The following RALGAPA2 variants were observed in gnomAD, a reference collection of about 807,000 sequenced individuals.
RALGAPA2 encodes the protein ral GTPase-activating protein subunit alpha-2.
Under a neutral mutation model 230.4 loss-of-function variants are expected in RALGAPA2, and 139 were observed. That is an observed-to-expected ratio of 0.60 (90% CI 0.53 to 0.69). RALGAPA2 has a LOEUF of 0.69. Among genes scored for constraint, RALGAPA2 ranks in the 30% least tolerant of loss-of-function variants. The pLI is 0.00. For missense variants in RALGAPA2, 2,163 were observed against 2,276.0 expected, an observed-to-expected ratio of 0.95 and a Z score of 1.01; for synonymous variants, 847 against 837.8, an observed-to-expected ratio of 1.01 and a Z score of -0.19.
chr20:20,407,347 G>A (rs556847143), intron 38 of RALGAPA2, among the ~76,000 whole-genome samples: 21 of 152,344 alleles, frequency 1.4e-4, no homozygotes, highest in African/African-American at 5.1e-4. Context: ...TCCTTTCAAT[G>A]AGCGGGGAAA....
chr20:20,446,573 T>C (rs57335030), intron 37 of RALGAPA2, among the ~76,000 whole-genome samples: 11,628 of 152,190 alleles, frequency 0.076, 727 homozygotes, highest in East Asian at 0.16. Context: ...CTTTGCAGGA[T>C]TGCTGTGGAA....
intron 23 of RALGAPA2, among the ~76,000 whole-genome samples, chr20:20,557,447 G>T (rs932578055): frequency 6.6e-6 from 1 of 152,152 alleles, no homozygotes; most frequent in African/African-American, 2.4e-5. Context: ...ACTTTTCCCA[G>T]GTTTATTATT....
rs1351796525 is a variant in RALGAPA2 at position 20,505,531 on chromosome 20, A to G, written c.4932T>C (p.Arg1644=). 1 of 1,571,502 alleles carries G rather than the reference A, an allele frequency of 6.4e-7. No individual in the cohort carries two copies. The highest frequency in any genetic ancestry group is 2.3e-5 in the East Asian group (1 of 43,812). The change falls in exon 34 of 40, where the codon CGT becomes CGC. Residue 1644 remains arginine, a synonymous_variant. Coordinates refer to ENST00000202677, the MANE Select transcript of RALGAPA2 (RefSeq NM_020343.4). ...ELKNLDSRQC[R]ETHKIAVFYI... ...AAAACACTGCGATTTTGTGTGTCTC[A>G]CGGCTATAAATTTTTAAATTTAAAG...
At chr20:20,403,199 C>T (rs1344495329) in intron 38 of RALGAPA2, among the ~76,000 whole-genome samples, 1 of 152,228 alleles carries the variant, frequency 6.6e-6, no homozygotes, top group East Asian at 1.9e-4. Flanking sequence ...CGTCTCCTTT[C>T]CCGTCTGGAA....
intron 16 of RALGAPA2, chr20:20,598,891 T>C: frequency 2.6e-6 from 1 of 381,764 alleles, no homozygotes; most frequent in South Asian, 2.0e-5. Flanking sequence ...TTATTACTTT[T>C]CTGGGCTCTC....
chr20:20,493,152 G>C (rs1285084847), intron 36 of RALGAPA2, among the ~76,000 whole-genome samples: 2 of 152,090 alleles, frequency 1.3e-5, no homozygotes, highest in Non-Finnish European at 2.9e-5. Flanking sequence ...TAAATACCAG[G>C]GACTGAAGCC....
chr20:20,617,371 C>G (rs183711284), intron 12 of RALGAPA2, among the ~76,000 whole-genome samples: 1 of 152,012 alleles, frequency 6.6e-6, no homozygotes, highest in Admixed American at 6.5e-5. Flanking sequence ...TAAATAAGCA[C>G]TATAATATAG....
intron 3 of RALGAPA2, among the ~76,000 whole-genome samples, chr20:20,655,850 G>A (rs1283251753): frequency 6.6e-6 from 1 of 152,146 alleles, no homozygotes; most frequent in Non-Finnish European, 1.5e-5. Context: ...TGGGTAGAGG[G>A]GCTGTAGTAA....
intron 38 of RALGAPA2, among the ~76,000 whole-genome samples, chr20:20,402,197 T>C (rs978781937): frequency 6.6e-6 from 1 of 152,232 alleles, no homozygotes; most frequent in South Asian, 2.1e-4. Flanking sequence ...ATTCCTCAAC[T>C]GTCAGAGAAA....
At chr20:20,617,642 G>C (rs2066189513) in intron 12 of RALGAPA2, among the ~76,000 whole-genome samples, 1 of 152,142 alleles carries the variant, frequency 6.6e-6, no homozygotes. Context: ...GGTACTGCAT[G>C]AGTATTTCTT....
At chr20:20,440,748 A>C (rs2060720688) in intron 37 of RALGAPA2, among the ~76,000 whole-genome samples, 1 of 152,248 alleles carries the variant, frequency 6.6e-6, no homozygotes, top group South Asian at 2.1e-4. Context: ...CTTCCTTGGC[A>C]GCTGACGGGC....
chr20:20,468,217 A>G (rs1281466333), intron 37 of RALGAPA2, among the ~76,000 whole-genome samples: 2 of 152,218 alleles, frequency 1.3e-5, no homozygotes, highest in African/African-American at 4.8e-5. Context: ...TATCAAACAC[A>G]TGTCACCTTT....
intron 23 of RALGAPA2, among the ~76,000 whole-genome samples, chr20:20,557,593 T>G (rs2064123340): frequency 6.6e-6 from 1 of 152,258 alleles, no homozygotes; most frequent in African/African-American, 2.4e-5. Flanking sequence ...AGTAAAGATT[T>G]AATCGACACT....
rs776470274 is a variant in RALGAPA2, at chr20:20,521,143, G to A, written c.3901-43C>T. The A allele has an allele frequency of 3.7e-5, 56 of 1,501,610 alleles. No homozygotes were observed. The Middle Eastern group carries it at 1.6e-3, about 44-fold the overall frequency. The allele number at this position is 1,501,610 out of a possible 1,614,324, so 93.0% of individuals were successfully genotyped here. ...ATGTGCACCACGGATGCTACTCACC[G>A]CGTGTCCCCTGACAATCTGTCAAAC... On this transcript the variant is annotated intron_variant, in intron 30 of 39. Transcript: ENST00000202677.
chr20:20,508,525 C>T (rs2062602892), intron 33 of RALGAPA2, among the ~76,000 whole-genome samples: 1 of 152,176 alleles, frequency 6.6e-6, no homozygotes, highest in Non-Finnish European at 1.5e-5. Context: ...CAGGGAAGCC[C>T]ACTGTGATTT....
At chr20:20,648,531 T>C (rs1265038902) in intron 4 of RALGAPA2, among the ~76,000 whole-genome samples, 2 of 151,946 alleles carry the variant, frequency 1.3e-5, no homozygotes, top group Non-Finnish European at 2.9e-5. Flanking sequence ...CCACCCCCCA[T>C]AAATATTTTT....
At chr20:20,535,237 G>A (rs1045647734) in intron 26 of RALGAPA2, among the ~76,000 whole-genome samples, 5 of 152,158 alleles carry the variant, frequency 3.3e-5, no homozygotes, top group African/African-American at 9.7e-5. Flanking sequence ...TGGTCTTCAC[G>A]TTGGGAGGAG....
chr20:20,655,379 G>A (rs927748564), intron 3 of RALGAPA2, among the ~76,000 whole-genome samples: 1 of 152,066 alleles, frequency 6.6e-6, no homozygotes, highest in Non-Finnish European at 1.5e-5. Flanking sequence ...TATTACAGAC[G>A]TAAGGGGGAA....
At chr20:20,414,131 C>T (rs2060119390) in intron 37 of RALGAPA2, among the ~76,000 whole-genome samples, 3 of 152,204 alleles carry the variant, frequency 2.0e-5, no homozygotes, top group South Asian at 4.1e-4. Context: ...AGGGGCTGAG[C>T]GAGGCGTGAC....
Sources: allele counts gnomAD v4.1 joint callset (sites outside exome capture counted in the v4.1 genomes callset), GRCh38; gene constraint gnomAD v4.1.1; transcripts MANE v1.5; gene names NCBI Gene and HGNC (gene_info 2026-07-23, HGNC 2026-07-21).